The following TARM1 variants were observed in gnomAD, a reference collection of about 807,000 sequenced individuals.
TARM1 encodes T cell-interacting, activating receptor on myeloid cells 1.
Under a neutral mutation model 30.4 loss-of-function variants are expected in TARM1, and 24 were observed. That is an observed-to-expected ratio of 0.79 (90% CI 0.57 to 1.11). The LOEUF is 1.11. Ranked by LOEUF, TARM1 falls within the 50% of genes least tolerant of loss-of-function variation. TARM1 has a pLI of 0.00. For missense variants in TARM1, 323 were observed against 332.8 expected (o/e 0.97, Z 0.23); for synonymous variants, 129 against 138.9 (o/e 0.93, Z 0.50).
rs1322098121 is a variant in TARM1 at position 54,070,244 on chromosome 19, C to A, written c.659-84G>T. 2.7e-6 allele frequency: 4 copies of A among 1,482,038 alleles called. No homozygotes were observed. The African/African-American group carries it at 5.7e-5, about 21-fold the overall frequency. 91.8% of individuals were successfully genotyped at this position (1,482,038 alleles called of 1,614,324 possible). A position where few individuals can be genotyped will look rare whatever the true frequency, so the allele number is the denominator to read the frequency against. On this transcript the variant is annotated intron_variant, in intron 4 of 4. Coordinates refer to ENST00000432826, the MANE Select transcript of TARM1 (RefSeq NM_001135686.3). ...GCCCCACCAAATCTGACTATCATCA[C>A]CCACTTAATGTTTTCGGTTTTTTGG...
At position 54,074,133 on chromosome 19, in the gene TARM1, G is replaced by A. The variant is rs587675450; in HGVS notation, c.445C>T (p.Arg149Ter). 18 of 1,551,678 alleles carry A rather than the reference G, an allele frequency of 1.2e-5. No homozygotes were observed. The East Asian group carries it at 1.2e-4, about 11-fold the overall frequency. The change falls in exon 4 of 5, where the codon CGA (arginine) becomes TGA (stop). Residue 149 changes from arginine to a stop codon, truncating the protein, a stop_gained. Coordinates refer to ENST00000432826, the MANE Select transcript of TARM1 (RefSeq NM_001135686.3). LOFTEE classifies it high-confidence loss of function. ...ATGATAGGCACAAACAATTGGTCTC[G>A]CTTCTGGCACTGCAGAGTCACCCTT... Reference protein sequence around the residue: ...GGRVTLQCQKRDQLFVPIMFA... With the variant: ...GGRVTLQCQK
chr19:54,080,248 G>A (rs111506771), intron 1 of TARM1, among the ~76,000 whole-genome samples: 4 of 151,344 alleles, frequency 2.6e-5, no homozygotes, highest in African/African-American at 7.3e-5. Context: ...AGGCCGAGGC[G>A]GGCAGATCAA....
intron 1 of TARM1, among the ~76,000 whole-genome samples, chr19:54,077,836 G>A (rs1374291496): frequency 1.3e-5 from 2 of 148,544 alleles, no homozygotes; most frequent in Non-Finnish European, 3.0e-5. Flanking sequence ...TCCGCCTCGC[G>A]GGTTCAAGTG....
At chr19:54,076,712 C>A (rs1352214037) in intron 1 of TARM1, among the ~76,000 whole-genome samples, 1 of 152,022 alleles carries the variant, frequency 6.6e-6, no homozygotes, top group East Asian at 1.9e-4. Context: ...GAGACAGGGT[C>A]TCTCTCTGTT....
In TARM1 at chr19:54,076,898, C is replaced by T. The variant is rs1600209017; in HGVS notation, c.35-980G>A. On this transcript the variant is annotated intron_variant, in intron 1 of 4. Coordinates refer to ENST00000432826, the MANE Select transcript of TARM1 (RefSeq NM_001135686.3). ...TCCCTATGTTGCCCAGGCTCATGAT[C>T]TCTTTTAATCCCTTCATGACTCCAA... 2.0e-5 allele frequency among the ~76,000 whole-genome samples: 3 copies of T among 152,120 alleles called. No individual in the cohort carries two copies. The East Asian group carries it at 5.8e-4, about 29-fold the overall frequency.
chr19:54,070,492 T>A (rs1328768923), intron 4 of TARM1, among the ~76,000 whole-genome samples: 1 of 151,566 alleles, frequency 6.6e-6, no homozygotes, highest in East Asian at 1.9e-4. Flanking sequence ...ACTCCCGACC[T>A]CAGGTGACCC....
At chr19:54,077,573 T>A (rs1363475391) in intron 1 of TARM1, among the ~76,000 whole-genome samples, 1 of 152,066 alleles carries the variant, frequency 6.6e-6, no homozygotes, top group Non-Finnish European at 1.5e-5. Flanking sequence ...CAGGCGTTTG[T>A]GCTACTATTA....
rs2072074122 is a variant in TARM1, at chr19:54,080,133, AAGGAAGAAAGCAAGC to A, written c.34+1159_34+1173del. Among the ~76,000 whole-genome samples, 33 of 63,218 alleles carry A rather than the reference AAGGAAGAAAGCAAGC, an allele frequency of 5.2e-4. 1 individual carries two copies. The highest frequency in any genetic ancestry group is 4.9e-3 in the Admixed American group (24 of 4,866). 41.5% of individuals were successfully genotyped at this position (63,218 alleles called of 152,430 possible). ...GAAGGAAGGAAGGAAGGAAGGAAGG[AAGGAAGAAAGCAAGC>A]AAGCAAGCAAGCAAGCAAGCAAGCA... On this transcript the variant is annotated intron_variant, in intron 1 of 4. Transcript: ENST00000432826.
intron 1 of TARM1, chr19:54,076,313 GCT>G (rs2071951933): frequency 2.8e-6 from 2 of 726,128 alleles, no homozygotes; most frequent in South Asian, 4.3e-5. Flanking sequence ...ACAGAGTCTC[GCT>G]CTTTCTTTCT....
At chr19:54,077,901 G>A (rs1236553618) in intron 1 of TARM1, among the ~76,000 whole-genome samples, 6 of 150,972 alleles carry the variant, frequency 4.0e-5, no homozygotes, top group African/African-American at 9.7e-5. Context: ...TGCAACCTCC[G>A]CCTTGCAGGT....
chr19:54,075,669 C>G (rs372926695), intron 2 of TARM1, among the ~76,000 whole-genome samples: 1 of 151,398 alleles, frequency 6.6e-6, no homozygotes, highest in African/African-American at 2.4e-5. Context: ...GGCAAGCACC[C>G]GTAGTCCCAG....
chr19:54,074,267 C>G (rs764958349), intron 3 of TARM1, 51 bp from the exon 4 acceptor site: 1 of 1,487,270 alleles, frequency 6.7e-7, no homozygotes. Context: ...TGGAATCCCC[C>G]ACTCACCCCT....
chr19:54,074,288 C>A (rs1600203099), intron 3 of TARM1, 72 bp from the exon 4 acceptor site: 1 of 1,406,872 alleles, frequency 7.1e-7, no homozygotes, highest in East Asian at 2.5e-5. Flanking sequence ...GTTCTCCTGG[C>A]CGGAGGCTCT....
In TARM1 at chr19:54,070,281, G is replaced by A; in HGVS notation, c.659-121C>T. On this transcript the variant is annotated intron_variant, in intron 4 of 4. Coordinates refer to ENST00000432826, the MANE Select transcript of TARM1 (RefSeq NM_001135686.3). ...TTTCGGTTTTTTGGTTTTTTTTTTT[G>A]AGACGGAGTTTTACTCTTGTTGACC... 4.5e-6 allele frequency: 6 copies of A among 1,324,380 alleles called. No homozygotes were observed. In the South Asian group the frequency reaches 7.8e-5, roughly 17 times the overall value. 82.0% of individuals were successfully genotyped at this position (1,324,380 alleles called of 1,614,324 possible).
At chr19:54,080,351 G>A (rs1329836089) in intron 1 of TARM1, among the ~76,000 whole-genome samples, 17 of 149,684 alleles carry the variant, frequency 1.1e-4, no homozygotes, top group Non-Finnish European at 1.9e-4. Context: ...CCAGCTACTC[G>A]GGAGGCTGAG....
chr19:54,070,259 C>T lies in TARM1; in HGVS notation c.659-99G>A, dbSNP rs570493301. On this transcript the variant is annotated intron_variant, in intron 4 of 4. Coordinates refer to ENST00000432826, the MANE Select transcript of TARM1 (RefSeq NM_001135686.3). ...ACTATCATCACCCACTTAATGTTTT[C>T]GGTTTTTTGGTTTTTTTTTTTGAGA... is the stretch of plus-strand genomic sequence containing the variant. 137 of 1,453,948 alleles carry T rather than the reference C, an allele frequency of 9.4e-5. No individual in the cohort carries two copies. In the African/African-American group the frequency reaches 1.7e-3, roughly 18 times the overall value. 90.1% of individuals were successfully genotyped at this position (1,453,948 alleles called of 1,614,324 possible). A position where few individuals can be genotyped will look rare whatever the true frequency, so the allele number is the denominator to read the frequency against.
Position 54,073,913 on chromosome 19 carries a change from C to A in TARM1, c.658+7G>T. On this transcript the variant is annotated splice_region_variant and intron_variant, in intron 4 of 4. Coordinates refer to ENST00000432826, the MANE Select transcript of TARM1 (RefSeq NM_001135686.3). Reference sequence around the variant, plus strand: ...ACACAGTTCCTCAAAACCATACACGCCCTTACCTGTCACCAATATCTCAAG... The same window carrying A: ...ACACAGTTCCTCAAAACCATACACGACCTTACCTGTCACCAATATCTCAAG... The A allele has an allele frequency of 6.4e-7, 1 of 1,550,956 alleles. No homozygotes were observed. The highest frequency in any genetic ancestry group is 1.2e-5 in the South Asian group (1 of 84,044).
chr19:54,071,732 A>T (rs1445844805), intron 4 of TARM1, among the ~76,000 whole-genome samples: 4 of 152,028 alleles, frequency 2.6e-5, no homozygotes, highest in African/African-American at 9.7e-5. Context: ...AGGCAGGAGA[A>T]TTACTTGACC....
At chr19:54,080,492 A>G (rs1383415923) in intron 1 of TARM1, among the ~76,000 whole-genome samples, 7 of 80,440 alleles carry the variant, frequency 8.7e-5, no homozygotes, top group South Asian at 5.5e-4. Flanking sequence ...GAGAGGAAGG[A>G]AGGGAGGAAG....
Sources: allele counts gnomAD v4.1 joint callset (sites outside exome capture counted in the v4.1 genomes callset), GRCh38; gene constraint gnomAD v4.1.1; transcripts MANE v1.5; gene names NCBI Gene and HGNC (gene_info 2026-07-23, HGNC 2026-07-21).